Variants in PPP2R3B observed in about 807,000 individuals in gnomAD.
PPP2R3B encodes serine/threonine-protein phosphatase 2A regulatory subunit B'' subunit beta.
Under a neutral mutation model 72.9 loss-of-function variants are expected in PPP2R3B, and 68 were observed. The observed-to-expected ratio is 0.93, with a 90% confidence interval of 0.77 to 1.14. The LOEUF is 1.14. Ranked by LOEUF, PPP2R3B falls within the 50% of genes most tolerant of loss-of-function variation. PPP2R3B has a pLI of 0.00. For missense variants in PPP2R3B, 1,018 were observed against 842.0 expected (o/e 1.21, Z -2.59); for synonymous variants, 466 against 375.8 (o/e 1.24, Z -2.78).
chrX:336,931 G>C (rs1193335718), intron 12 of PPP2R3B: 1 of 152,102 alleles, frequency 6.6e-6, no homozygotes, highest in African/African-American at 2.4e-5. Context: ...TTCACTCAGC[G>C]AGATCTCACT....
intron 2 of PPP2R3B, chrX:359,928 G>T: frequency 2.2e-6 from 1 of 446,504 alleles, no homozygotes; most frequent in South Asian, 1.6e-5. Flanking sequence ...TGTAACCATG[G>T]AGGTTTTTAC....
rs140356111 is a variant in PPP2R3B at position 338,663 on chromosome X, C to T, written c.1518G>A (p.Ala506=). The T allele has an allele frequency of 2.1e-4, 341 of 1,611,426 alleles. 2 individuals carry two copies. The East Asian group carries it at 2.3e-3, about 11-fold the overall frequency. ...CCACCAGGATGTCGTACTCCTCGGC[C>T]GCGTACTTCTCCCAGTCCGAGAGCT... The part of the protein sequence containing the change: ...GPELSDWEKY[A]AEEYDILVAE... Residue 506 remains alanine (A), a synonymous_variant, in exon 12 of 13, where the codon GCG becomes GCA. Coordinates refer to ENST00000390665, the MANE Select transcript of PPP2R3B (RefSeq NM_013239.5).
At chrX:357,007 T>A in intron 2 of PPP2R3B, among the ~76,000 whole-genome samples, 1 of 148,712 alleles carries the variant, frequency 6.7e-6, no homozygotes, top group Non-Finnish European at 1.5e-5. Flanking sequence ...AACATCTTGC[T>A]GTACCCTGTA....
chrX:341,435 T>A, intron 8 of PPP2R3B, 39 bp from the exon 9 acceptor site: 1 of 1,602,374 alleles, frequency 6.2e-7, no homozygotes, highest in Non-Finnish European at 8.5e-7. Context: ...AAGATGCATG[T>A]CAGGGAGAGC....
At position 334,272 on chromosome X, in the gene PPP2R3B, C is replaced by A; in HGVS notation, c.*95G>T. ...ATAAAAGTTTATCATTCCGTACAAACGCACTCATTTTCCACAACAGTTTTT... is the reference window on the plus strand; with the variant it reads ...ATAAAAGTTTATCATTCCGTACAAAAGCACTCATTTTCCACAACAGTTTTT... On this transcript the variant is annotated 3_prime_UTR_variant, in exon 13 of 13. Coordinates refer to ENST00000390665, the MANE Select transcript of PPP2R3B (RefSeq NM_013239.5). 2 of 1,304,992 alleles carry A rather than the reference C, an allele frequency of 1.5e-6. No individual in the cohort carries two copies. The highest frequency in any genetic ancestry group is 2.9e-5 in the East Asian group (1 of 35,040). The allele number at this position is 1,304,992 out of a possible 1,614,324, so 80.8% of individuals were successfully genotyped here. A position where few individuals can be genotyped will look rare whatever the true frequency, so the allele number is the denominator to read the frequency against.
chrX:361,125 C>T (rs1480292995), intron 2 of PPP2R3B, among the ~76,000 whole-genome samples: 1 of 152,212 alleles, frequency 6.6e-6, no homozygotes, highest in Admixed American at 6.5e-5. Flanking sequence ...GGCGGGCCTG[C>T]GCTCTTCACA....
chrX:360,712 C>T (rs1206025985), intron 2 of PPP2R3B, among the ~76,000 whole-genome samples: 1 of 152,168 alleles, frequency 6.6e-6, no homozygotes, highest in Non-Finnish European at 1.5e-5. Flanking sequence ...AGCGACTCCA[C>T]CTGGAGGGTA....
chrX:378,463 G>A (rs1569417687), intron 1 of PPP2R3B, among the ~76,000 whole-genome samples: 1 of 152,162 alleles, frequency 6.6e-6, no homozygotes, highest in Admixed American at 6.5e-5. Flanking sequence ...CCCTTTGTGA[G>A]AAAAAGTTTT....
At chrX:338,997 G>A (rs765873570) in intron 10 of PPP2R3B, 101 bp from the exon 11 acceptor site, 7 of 949,540 alleles carry the variant, frequency 7.4e-6, no homozygotes, top group African/African-American at 4.9e-5. Context: ...TAAGGACGCG[G>A]CACGAAGCTC....
intron 1 of PPP2R3B, among the ~76,000 whole-genome samples, chrX:368,088 C>A (rs547354163): frequency 9.3e-4 from 142 of 152,342 alleles, no homozygotes; most frequent in African/African-American, 3.3e-3. Flanking sequence ...CTAGGCAAGG[C>A]GGAGCCCACC....
At chrX:369,150 G>A (rs1250493964) in intron 1 of PPP2R3B, among the ~76,000 whole-genome samples, 6 of 152,178 alleles carry the variant, frequency 3.9e-5, no homozygotes, top group Non-Finnish European at 5.9e-5. Context: ...TGCCCCAAAC[G>A]TAGCCGGTGA....
intron 1 of PPP2R3B, among the ~76,000 whole-genome samples, chrX:370,719 GCCAAA>G (rs1276549957): frequency 2.6e-5 from 4 of 152,184 alleles, no homozygotes; most frequent in Non-Finnish European, 5.9e-5. Flanking sequence ...CAGCGTCCTG[GCCAAA>G]CCAAAGGCTG....
chrX:346,514 G>C, intron 5 of PPP2R3B, 187 bp downstream of exon 5: 1 of 655,158 alleles, frequency 1.5e-6, no homozygotes, highest in Non-Finnish European at 2.6e-6. Context: ...GGCCACCCCG[G>C]AAAACCAGAG....
intron 1 of PPP2R3B, among the ~76,000 whole-genome samples, chrX:367,763 A>C (rs1052988365): frequency 1.3e-5 from 2 of 152,262 alleles, no homozygotes; most frequent in Non-Finnish European, 2.9e-5. Flanking sequence ...GACTGCAGAA[A>C]GAAAACAGCA....
chrX:356,845 CTTGG>C (rs1569397782), intron 2 of PPP2R3B, among the ~76,000 whole-genome samples: 3,813 of 111,606 alleles, frequency 0.034, 10 homozygotes, highest in Admixed American at 0.05. Context: ...GTAACCACGC[CTTGG>C]CCAGCCACAC....
At chrX:379,408 ATG>A (rs1353674696) in intron 1 of PPP2R3B, among the ~76,000 whole-genome samples, 5 of 147,566 alleles carry the variant, frequency 3.4e-5, no homozygotes, top group East Asian at 4.2e-4. Flanking sequence ...GTATGCACCT[ATG>A]TGTGTATGCA....
At chrX:374,486 T>C (rs1396064615) in intron 1 of PPP2R3B, among the ~76,000 whole-genome samples, 1 of 152,178 alleles carries the variant, frequency 6.6e-6, no homozygotes, top group Non-Finnish European at 1.5e-5. Context: ...ATAACTGCGC[T>C]TGTTTGCAAT....
Position 363,193 on chromosome X carries a change from T to C in PPP2R3B, c.325-1603A>G, listed in dbSNP as rs760791248. Among the ~76,000 whole-genome samples the C allele has an allele frequency of 6.1e-3, 257 of 42,390 alleles. 1 individual carries two copies. Among genetic ancestry groups the C allele is most frequent in the African/African-American group, 0.018 (234 of 13,310 alleles). 27.8% of individuals were successfully genotyped at this position (42,390 alleles called of 152,430 possible). A position where few individuals can be genotyped will look rare whatever the true frequency, so the allele number is the denominator to read the frequency against. On this transcript the variant is annotated intron_variant, in intron 1 of 12. Transcript: ENST00000390665. Reference sequence around the variant, plus strand: ...GATTCAGAACGTGACCTCTGTGTCCTGGGGCAGGAGGTCCCTGCATCTCCC... The same window carrying C: ...GATTCAGAACGTGACCTCTGTGTCCCGGGGCAGGAGGTCCCTGCATCTCCC...
At chrX:386,289 G>C in intron 1 of PPP2R3B, 79 bp downstream of exon 1, 1 of 1,181,808 alleles carries the variant, frequency 8.5e-7, no homozygotes, top group Non-Finnish European at 1.1e-6. Flanking sequence ...TCGCCCACCA[G>C]CCTCCATCGC....
Sources: allele counts gnomAD v4.1 joint callset (sites outside exome capture counted in the v4.1 genomes callset), GRCh38; gene constraint gnomAD v4.1.1; transcripts MANE v1.5; gene names NCBI Gene and HGNC (gene_info 2026-07-23, HGNC 2026-07-21).